Variants in RBM44 observed in about 807,000 individuals in gnomAD.
RBM44 encodes RNA-binding protein 44.
RBM44 carries 66 observed loss-of-function variants against 105.1 expected under a neutral mutation model. The ratio of observed to expected loss-of-function variants is 0.63; its 90% CI spans 0.52 to 0.77. RBM44 has a LOEUF of 0.77. RBM44 is among the 30% of genes least tolerant of loss of function. RBM44 has a pLI of 0.00. For missense variants in RBM44, 1,122 were observed against 1,207.8 expected (o/e 0.93, Z 1.05); for synonymous variants, 365 against 417.6 (o/e 0.87, Z 1.54).
intron 2 of RBM44, 136 bp downstream of exon 2, chr2:237,813,818 A>C (rs2061684620): frequency 1.7e-6 from 1 of 604,200 alleles, no homozygotes; most frequent in South Asian, 2.2e-5. Flanking sequence ...TATATTTTTA[A>C]CTTGCCAAAT....
In RBM44 at chr2:237,817,148, T is replaced by G. The variant is rs1212029828; in HGVS notation, c.229T>G (p.Leu77Val). 3 of 1,607,314 alleles carry G rather than the reference T, an allele frequency of 1.9e-6. No homozygotes were observed. Among genetic ancestry groups the G allele is most frequent in the Non-Finnish European group, 2.5e-6 (3 of 1,177,556 alleles). Residue 77 changes from leucine to valine, a missense_variant, in exon 3 of 16, where the codon TTA becomes GTA. By Grantham distance (32) the Leu-to-Val change is conservative. Around this residue, in one of 3 missense-constraint regions of RBM44, gnomAD observed 918 missense variants for 955.3 expected, o/e 0.96. Transcript: ENST00000316997. ...CAGCAATATTGACAAAATGGATTTA[T>G]TAGAGCCATTTTTTTCAGTGAGTCA... Reference protein sequence around the residue: ...EISNIDKMDLLEPFFSVSQDT... With the variant: ...EISNIDKMDLVEPFFSVSQDT...
intron 1 of RBM44, among the ~76,000 whole-genome samples, chr2:237,802,431 C>T (rs550300476): frequency 6.6e-6 from 1 of 152,282 alleles, no homozygotes; most frequent in African/African-American, 2.4e-5. Flanking sequence ...CAGCTTGAAG[C>T]CACTACCCTA....
chr2:237,833,530 A>G (rs1011078358), intron 13 of RBM44, among the ~76,000 whole-genome samples: 4 of 152,348 alleles, frequency 2.6e-5, no homozygotes, highest in Non-Finnish European at 5.9e-5. Context: ...TATAGTAAAT[A>G]CAATGTAAAA....
chr2:237,812,663 G>T (rs886314161), intron 1 of RBM44, among the ~76,000 whole-genome samples: 10 of 152,020 alleles, frequency 6.6e-5, no homozygotes, highest in African/African-American at 2.4e-4. Flanking sequence ...TGTAACACTT[G>T]ATTAACAGAA....
intron 2 of RBM44, among the ~76,000 whole-genome samples, chr2:237,816,767 A>C (rs2061721852): frequency 6.6e-6 from 1 of 152,046 alleles, no homozygotes; most frequent in South Asian, 2.1e-4. Flanking sequence ...TGTAAACCTA[A>C]TTACCTCTCC....
At chr2:237,802,796 G>C (rs917102425) in intron 1 of RBM44, among the ~76,000 whole-genome samples, 1 of 152,158 alleles carries the variant, frequency 6.6e-6, no homozygotes, top group Admixed American at 6.5e-5. Context: ...TCCAAAGAAA[G>C]GTATTCGTCT....
At chr2:237,829,098 T>C (rs2061878096) in intron 12 of RBM44, 119 bp from the exon 13 acceptor site, 2 of 696,998 alleles carry the variant, frequency 2.9e-6, no homozygotes, top group Non-Finnish European at 4.7e-6. Context: ...CAGCAACCTT[T>C]TTATTTTTAA....
At chr2:237,824,654 A>G (rs1042628901) in intron 10 of RBM44, among the ~76,000 whole-genome samples, 1 of 152,158 alleles carries the variant, frequency 6.6e-6, no homozygotes, top group Admixed American at 6.6e-5. Context: ...AGATACCCGC[A>G]TTCTTCCTCT....
chr2:237,830,359 CA>C (rs1159813057), intron 13 of RBM44, among the ~76,000 whole-genome samples: 1 of 151,816 alleles, frequency 6.6e-6, no homozygotes, highest in Non-Finnish European at 1.5e-5. Context: ...AGTCCTTTAC[CA>C]GATAGGTGAT....
At chr2:237,831,207 TC>T (rs1386483113) in intron 13 of RBM44, among the ~76,000 whole-genome samples, 1 of 140,282 alleles carries the variant, frequency 7.1e-6, no homozygotes, top group African/African-American at 2.6e-5. Context: ...GACTTTGCAT[TC>T]CTTTAACTTT....
chr2:237,800,367 C>T (rs1486896486), intron 1 of RBM44, among the ~76,000 whole-genome samples: 3 of 152,098 alleles, frequency 2.0e-5, no homozygotes, highest in Non-Finnish European at 2.9e-5. Context: ...AGATAATAGA[C>T]CTCTATCGCA....
chr2:237,818,673 C>T lies in RBM44; in HGVS notation c.1677+77C>T, dbSNP rs771473976. On this transcript the variant is annotated intron_variant, in intron 3 of 15. Coordinates refer to ENST00000316997, the MANE Select transcript of RBM44 (RefSeq NM_001080504.3). This position sits in a 1 kb window ranked among gnomAD's most constrained non-coding sequence, Gnocchi z 4.6. Reference sequence around the variant, plus strand: ...TATGCTAATGTAAGTGTTTTTGGTTCGTTGAATTAAGGCTTTTGTGAGAAG... The same window carrying T: ...TATGCTAATGTAAGTGTTTTTGGTTTGTTGAATTAAGGCTTTTGTGAGAAG... The T allele has an allele frequency of 2.0e-5, 21 of 1,038,144 alleles. No homozygotes were observed. The highest frequency in any genetic ancestry group is 4.9e-5 in the African/African-American group (3 of 61,174). The allele number at this position is 1,038,144 out of a possible 1,614,324, so 64.3% of individuals were successfully genotyped here.
At position 237,821,200 on chromosome 2, in the gene RBM44, C is replaced by T; in HGVS notation, c.2043C>T (p.Pro681=). 2 of 1,610,146 alleles carry T rather than the reference C, an allele frequency of 1.2e-6. No homozygotes were observed. Among genetic ancestry groups the T allele is most frequent in the Middle Eastern group, 1.7e-4 (1 of 6,050 alleles). The change falls in exon 6 of 16, where the codon CCC becomes CCT. Residue 681 remains proline (P), a synonymous_variant. Coordinates refer to ENST00000316997, the MANE Select transcript of RBM44 (RefSeq NM_001080504.3). ...AAGGCATACCACTGGAAGAGCTGCC[C>T]CCACTGTCACTAGAATCAAAATTAT... ...IHKGIPLEEL[P]PLSLESKLLS... is the part of the protein sequence containing the mutation.
At chr2:237,828,220 C>G (rs1049269548) in intron 12 of RBM44, among the ~76,000 whole-genome samples, 1 of 152,008 alleles carries the variant, frequency 6.6e-6, no homozygotes, top group East Asian at 1.9e-4. Flanking sequence ...AATTTTTTTA[C>G]TGTTTCATTA....
chr2:237,803,172 C>CA lies in RBM44; in HGVS notation c.-19+4312dup, dbSNP rs2061562970. Among the ~76,000 whole-genome samples, 1 of 152,144 alleles carries CA rather than the reference C, an allele frequency of 6.6e-6. No homozygotes were observed. Among genetic ancestry groups the CA allele is most frequent in the South Asian group, 2.1e-4 (1 of 4,832 alleles). On this transcript the variant is annotated intron_variant, in intron 1 of 15. Transcript: ENST00000316997. The surrounding 1 kb of genome is among the most constrained non-coding windows in gnomAD (Gnocchi z 4.2). ...GTGCCAGCTACAAAGGAGGCTGAGG[C>CA]AGGAGAATCACTTTGACCTGGGAGG...
Position 237,824,367 on chromosome 2 carries a change from G to A in RBM44, c.2397G>A (p.Gly799=), listed in dbSNP as rs1012193558. 6.2e-6 allele frequency: 10 copies of A among 1,612,926 alleles called. No homozygotes were observed. The highest frequency in any genetic ancestry group is 4.0e-5 in the African/African-American group (3 of 74,966). The stretch of plus-strand genomic sequence containing the variant: ...GCCTGACAGGAGTTGACGTCTCAGG[G>A]ACACAGGGAAATCAAGTAGAACAAG... ...KESLTGVDVS[G]TQGNQVEQDT... Residue 799 remains glycine, a synonymous_variant, in exon 10 of 16, where the codon GGG becomes GGA. Coordinates refer to ENST00000316997, the MANE Select transcript of RBM44 (RefSeq NM_001080504.3).
intron 5 of RBM44, 125 bp from the exon 6 acceptor site, chr2:237,820,946 G>A (rs2061780611): frequency 3.1e-6 from 2 of 641,914 alleles, no homozygotes; most frequent in Non-Finnish European, 5.1e-6. Context: ...AGCAACTTGC[G>A]AGGCTGAGAC....
chr2:237,803,878 T>G lies in RBM44; in HGVS notation c.-19+5017T>G, dbSNP rs1389744033. 6.6e-6 allele frequency among the ~76,000 whole-genome samples: 1 copy of G among 151,866 alleles called. No homozygotes were observed. Among genetic ancestry groups the G allele is most frequent in the African/African-American group, 2.4e-5 (1 of 41,284 alleles). On this transcript the variant is annotated intron_variant, in intron 1 of 15. Coordinates refer to ENST00000316997, the MANE Select transcript of RBM44 (RefSeq NM_001080504.3). The surrounding 1 kb of genome is among the most constrained non-coding windows in gnomAD (Gnocchi z 4.2). ...GCCAGTACCATTTATTGAATATGCCTTAGACCTTTTTTTTTTTTCTTTTTT... is the reference window on the plus strand; with the variant it reads ...GCCAGTACCATTTATTGAATATGCCGTAGACCTTTTTTTTTTTTCTTTTTT...
intron 10 of RBM44, among the ~76,000 whole-genome samples, chr2:237,825,769 T>A (rs1179072195): frequency 6.6e-6 from 1 of 152,210 alleles, no homozygotes; most frequent in Non-Finnish European, 1.5e-5. Flanking sequence ...GTATGTCTTC[T>A]GATTCTTATT....
Sources: allele counts gnomAD v4.1 joint callset (sites outside exome capture counted in the v4.1 genomes callset), GRCh38; gene constraint gnomAD v4.1.1; regional missense constraint gnomAD v4.1.1; non-coding constraint Gnocchi (gnomAD v3.1); transcripts MANE v1.5; gene names NCBI Gene and HGNC (gene_info 2026-07-23, HGNC 2026-07-21).